Variants in PTPRD observed in about 807,000 individuals in gnomAD.
The protein encoded by PTPRD is receptor-type tyrosine-protein phosphatase delta.
In PTPRD, 34 loss-of-function variants were observed where a neutral mutation model predicts 214.5. That is an observed-to-expected ratio of 0.16 (90% CI 0.12 to 0.21). The LOEUF (loss-of-function observed/expected upper bound fraction) is 0.21, where lower values mean the gene tolerates loss of function less well. PTPRD is among the 10% of genes least tolerant of loss of function. The pLI is 1.00. For missense variants in PTPRD, 2,545 were observed against 2,398.7 expected (o/e 1.06, Z -1.27); for synonymous variants, 1,128 against 845.7 (o/e 1.33, Z -5.79).
intron 7 of PTPRD, among the ~76,000 whole-genome samples, chr9:9,648,740 G>C (rs2096260398): frequency 6.6e-6 from 1 of 152,136 alleles, no homozygotes; most frequent in Non-Finnish European, 1.5e-5. Flanking sequence ...TGAGGTGCAA[G>C]TCTAAGATAT....
intron 8 of PTPRD, among the ~76,000 whole-genome samples, chr9:9,487,304 T>C (rs933324100): frequency 6.7e-6 from 1 of 150,342 alleles, no homozygotes; most frequent in Non-Finnish European, 1.5e-5. Flanking sequence ...AGTGAGAACA[T>C]GTGGTGTTTA....
At chr9:9,901,426 G>A (rs2076365376) in intron 5 of PTPRD, among the ~76,000 whole-genome samples, 1 of 134,400 alleles carries the variant, frequency 7.4e-6, no homozygotes, top group East Asian at 2.7e-4. Flanking sequence ...GCATTGCAAA[G>A]ATAATCCTCT....
At chr9:9,027,073 T>C (rs1351042152) in intron 10 of PTPRD, among the ~76,000 whole-genome samples, 2 of 151,656 alleles carry the variant, frequency 1.3e-5, no homozygotes, top group Non-Finnish European at 2.9e-5. Flanking sequence ...ACCTGCTATG[T>C]CTGGTGTTCC....
intron 8 of PTPRD, among the ~76,000 whole-genome samples, chr9:9,465,343 A>G (rs907845063): frequency 6.6e-6 from 1 of 152,252 alleles, no homozygotes; most frequent in African/African-American, 2.4e-5. Context: ...TGGAAAATGT[A>G]TAATGAATTT....
At chr9:9,716,336 C>T (rs868465734) in intron 7 of PTPRD, among the ~76,000 whole-genome samples, 1 of 151,542 alleles carries the variant, frequency 6.6e-6, no homozygotes, top group Non-Finnish European at 1.5e-5. Flanking sequence ...GTCTTTATAG[C>T]AGCATGATTT....
intron 12 of PTPRD, among the ~76,000 whole-genome samples, chr9:8,724,249 C>T (rs955417046): frequency 1.3e-5 from 2 of 152,164 alleles, no homozygotes; most frequent in Non-Finnish European, 2.9e-5. Context: ...GTACTGAATA[C>T]ACTTTAGGTC....
chr9:9,974,431 G>C (rs1417277065), intron 4 of PTPRD, among the ~76,000 whole-genome samples: 1 of 152,070 alleles, frequency 6.6e-6, no homozygotes, highest in Non-Finnish European at 1.5e-5. Context: ...GTAAAATATC[G>C]TATTTTGTCC....
intron 11 of PTPRD, among the ~76,000 whole-genome samples, chr9:8,806,589 A>C (rs927308977): frequency 1.3e-5 from 2 of 152,192 alleles, no homozygotes; most frequent in African/African-American, 4.8e-5. Flanking sequence ...ATATCCAGCA[A>C]GTATTGACAA....
At chr9:10,316,167 G>GTATATATACATAGA (rs1555137498) in intron 3 of PTPRD, among the ~76,000 whole-genome samples, 1 of 117,270 alleles carries the variant, frequency 8.5e-6, no homozygotes, top group Admixed American at 8.1e-5. Flanking sequence ...GTATATCTAT[G>GTATATATACATAGA]TATATATACA....
chr9:10,554,402 T>C (rs1361948125), intron 2 of PTPRD, among the ~76,000 whole-genome samples: 1 of 152,110 alleles, frequency 6.6e-6, no homozygotes, highest in Non-Finnish European at 1.5e-5. Context: ...CTTTTTCATA[T>C]CTGTGTGGCT....
intron 8 of PTPRD, among the ~76,000 whole-genome samples, chr9:9,424,405 C>G (rs745890449): frequency 6.6e-6 from 1 of 152,140 alleles, no homozygotes; most frequent in Non-Finnish European, 1.5e-5. Flanking sequence ...GCAACGGTCA[C>G]TGGTTGAAGG....
At chr9:10,383,249 C>T (rs2097854526) in intron 2 of PTPRD, among the ~76,000 whole-genome samples, 1 of 151,860 alleles carries the variant, frequency 6.6e-6, no homozygotes, top group Non-Finnish European at 1.5e-5. Context: ...TAAAATGTAA[C>T]TGTTTTCAAA....
intron 11 of PTPRD, chr9:8,936,213 C>G (rs200640294): frequency 1.3e-5 from 2 of 151,944 alleles, no homozygotes; most frequent in Non-Finnish European, 1.5e-5. Flanking sequence ...GGGTTTGAGA[C>G]CAGCCTGGGC....
intron 11 of PTPRD, among the ~76,000 whole-genome samples, chr9:9,001,803 C>G (rs1258245493): frequency 4.6e-5 from 7 of 151,988 alleles, no homozygotes; most frequent in African/African-American, 1.4e-4. Flanking sequence ...TCTACTTTTC[C>G]ATGCAAGTTT....
At chr9:9,453,567 C>G (rs2092565972) in intron 8 of PTPRD, among the ~76,000 whole-genome samples, 1 of 151,490 alleles carries the variant, frequency 6.6e-6, no homozygotes, top group African/African-American at 2.4e-5. Context: ...AAAGGTAACT[C>G]TTGGTAATTA....
chr9:9,872,365 C>T (rs1039759305), intron 5 of PTPRD, among the ~76,000 whole-genome samples: 1 of 151,912 alleles, frequency 6.6e-6, no homozygotes, highest in Non-Finnish European at 1.5e-5. Flanking sequence ...TTTGGGAGGC[C>T]GAGGCAGGAG....
chr9:9,902,839 C>T (rs775356340), intron 5 of PTPRD, among the ~76,000 whole-genome samples: 1 of 152,054 alleles, frequency 6.6e-6, no homozygotes, highest in African/African-American at 2.4e-5. Context: ...GTATGAATTG[C>T]GTTTGGACAT....
chr9:10,099,586 A>G (rs1241040108), intron 3 of PTPRD, among the ~76,000 whole-genome samples: 1 of 151,802 alleles, frequency 6.6e-6, no homozygotes, highest in East Asian at 1.9e-4. Flanking sequence ...AAACAAATAA[A>G]ACTTTGATGT....
At chr9:9,930,126 T>C (rs2085919425) in intron 5 of PTPRD, among the ~76,000 whole-genome samples, 1 of 152,144 alleles carries the variant, frequency 6.6e-6, no homozygotes, top group Non-Finnish European at 1.5e-5. Context: ...AGTATCTACC[T>C]GAAGAAGTTA....
Sources: gnomAD v4.1 joint callset for allele counts (sites outside exome capture counted in the v4.1 genomes callset) on GRCh38, gnomAD v4.1.1 for gene constraint, MANE v1.5 for transcripts, NCBI Gene and HGNC (gene_info 2026-07-23, HGNC 2026-07-21) for gene names.